PTPRN2: variants seen among roughly 807,000 people sequenced by gnomAD.
PTPRN2 encodes the protein protein tyrosine phosphatase receptor type N2.
A neutral mutation model predicts 118.8 loss-of-function variants in PTPRN2; 74 were observed. The observed-to-expected ratio is 0.62, with a 90% CI of 0.52 to 0.76. The LOEUF (loss-of-function observed/expected upper bound fraction) is 0.76. Ranked by LOEUF, PTPRN2 falls within the 30% of genes least tolerant of loss-of-function variation. The pLI, the probability that PTPRN2 is intolerant of heterozygous loss-of-function variation, is 0.00. For synonymous variants in PTPRN2, 641 were observed against 608.0 expected (o/e 1.05, Z -0.80); for missense variants, 1,481 against 1,394.4 (o/e 1.06, Z -0.99).
At chr7:158,481,362 A>G (rs1820627651) in intron 2 of PTPRN2, among the ~76,000 whole-genome samples, 1 of 152,208 alleles carries the variant, frequency 6.6e-6, no homozygotes, top group Non-Finnish European at 1.5e-5. Flanking sequence ...GTCACCCAAG[A>G]GCTGTGATGC....
rs538309220 is a variant in PTPRN2, at chr7:157,879,206, C to T, written c.1788+19467G>A. 8.7e-5 allele frequency among the ~76,000 whole-genome samples: 13 copies of T among 149,708 alleles called. No individual in the cohort carries two copies. The East Asian group carries it at 1.2e-3, about 14-fold the overall frequency. On this transcript the variant is annotated intron_variant, in intron 12 of 22. Coordinates refer to ENST00000389418, the MANE Select transcript of PTPRN2 (RefSeq NM_002847.5). ...TACTCACCGAGGAGCTCTCGGATTC[C>T]GTGGGGCTGGAAGGGTCAGTGTGAT...
Position 158,193,368 on chromosome 7 carries a change from C to T in PTPRN2, c.381-873G>A, listed in dbSNP as rs564673715. On this transcript the variant is annotated intron_variant, in intron 4 of 22. Transcript: ENST00000389418. Reference sequence around the variant, plus strand: ...AGTCCCTGAGAAAGCAGCCACTTGCCAGTGGGGCCCCCATCACCAGCTTGT... The same window carrying T: ...AGTCCCTGAGAAAGCAGCCACTTGCTAGTGGGGCCCCCATCACCAGCTTGT... Among the ~76,000 whole-genome samples, 149 of 152,312 alleles carry T rather than the reference C, an allele frequency of 9.8e-4. 1 individual carries two copies. The highest frequency in any genetic ancestry group is 3.1e-3 in the African/African-American group (128 of 41,570).
intron 11 of PTPRN2, among the ~76,000 whole-genome samples, chr7:158,006,074 T>G (rs1805613256): frequency 6.6e-6 from 1 of 152,296 alleles, no homozygotes; most frequent in East Asian, 1.9e-4. Flanking sequence ...TCACCAAGGC[T>G]TCTGCTGTGA....
intron 2 of PTPRN2, among the ~76,000 whole-genome samples, chr7:158,365,769 G>GCATA (rs1343608897): frequency 2.2e-5 from 3 of 137,804 alleles, no homozygotes; most frequent in Non-Finnish European, 4.6e-5. Flanking sequence ...GTGCACACGT[G>GCATA]CATACACACA....
chr7:157,644,438 G>A (rs894543675), intron 14 of PTPRN2, among the ~76,000 whole-genome samples: 1 of 152,228 alleles, frequency 6.6e-6, no homozygotes, highest in South Asian at 2.1e-4. Context: ...GGCCCCTGGA[G>A]GTCCACAGAC....
chr7:157,989,485 C>G (rs1382529988), intron 11 of PTPRN2, among the ~76,000 whole-genome samples: 1 of 148,414 alleles, frequency 6.7e-6, no homozygotes, highest in Non-Finnish European at 1.5e-5. Context: ...GGGGGTAAGA[C>G]TCAGAGGGCA....
intron 5 of PTPRN2, among the ~76,000 whole-genome samples, chr7:158,171,273 A>C (rs1222093039): frequency 1.3e-5 from 1 of 79,842 alleles, no homozygotes; most frequent in African/African-American, 5.4e-5. Context: ...ACACACATAT[A>C]TACACACATA....
In PTPRN2 at chr7:157,974,879, AGCCCC is replaced by A. The variant is rs1443804153; in HGVS notation, c.1724-76147_1724-76143del. On this transcript the variant is annotated intron_variant, in intron 11 of 22. Transcript: ENST00000389418. This position sits in a 1 kb window ranked among gnomAD's most constrained non-coding sequence, Gnocchi z 4.0. ...AGAAGAGGTGCCCACGTCCATCCCC[AGCCCC>A]TCAGGCATGTTCACCATCATGGCGC... Among the ~76,000 whole-genome samples the A allele has an allele frequency of 1.3e-5, 2 of 152,096 alleles. No individual in the cohort carries two copies. The highest frequency in any genetic ancestry group is 3.9e-4 in the East Asian group (2 of 5,192).
At chr7:157,613,891 C>A in intron 15 of PTPRN2, 1 of 385,762 alleles carries the variant, frequency 2.6e-6, no homozygotes, top group South Asian at 2.0e-5. Context: ...ACGAGCAGAC[C>A]TCGGCGCTGC....
At position 158,543,310 on chromosome 7, in the gene PTPRN2, G is replaced by A. The variant is rs1224165464; in HGVS notation, c.112+44248C>T. Among the ~76,000 whole-genome samples the A allele has an allele frequency of 2.6e-5, 4 of 152,162 alleles. No homozygotes were observed. The East Asian group carries it at 7.7e-4, about 29-fold the overall frequency. On this transcript the variant is annotated intron_variant, in intron 1 of 22. Coordinates refer to ENST00000389418, the MANE Select transcript of PTPRN2 (RefSeq NM_002847.5). ...CTGAAGGTGGGTGGGAAGAAGGAAG[G>A]CCCGGAGGGAAGCCGCCATCAGCTC...
At chr7:158,084,816 T>G (rs1304738439) in intron 10 of PTPRN2, among the ~76,000 whole-genome samples, 10 of 86,776 alleles carry the variant, frequency 1.2e-4, no homozygotes, top group Non-Finnish European at 1.8e-4. Flanking sequence ...GCCCATACAC[T>G]CCTACAATGC....
At chr7:158,223,224 A>G (rs1828492591) in intron 3 of PTPRN2, among the ~76,000 whole-genome samples, 1 of 152,214 alleles carries the variant, frequency 6.6e-6, no homozygotes, top group Non-Finnish European at 1.5e-5. Context: ...AGATGGTTTC[A>G]CCAAAGAATT....
At position 157,690,417 on chromosome 7, in the gene PTPRN2, A is replaced by G. The variant is rs368948942; in HGVS notation, c.1789-7480T>C. Among the ~76,000 whole-genome samples the G allele has an allele frequency of 1.7e-3, 254 of 152,056 alleles. 2 individuals carry two copies. Among genetic ancestry groups the G allele is most frequent in the African/African-American group, 5.7e-3 (235 of 41,482 alleles). On this transcript the variant is annotated intron_variant, in intron 12 of 22. Coordinates refer to ENST00000389418, the MANE Select transcript of PTPRN2 (RefSeq NM_002847.5). The surrounding 1 kb of genome is among the most constrained non-coding windows in gnomAD (Gnocchi z 7.1). ...CTTCGAAAGCTCTCTTCCTCGCCCC[A>G]CCACCTACGCGCCTGGTGATGCTCT... is the stretch of plus-strand genomic sequence containing the variant.
At chr7:158,310,282 T>C (rs1313529407) in intron 3 of PTPRN2, among the ~76,000 whole-genome samples, 1 of 152,150 alleles carries the variant, frequency 6.6e-6, no homozygotes, top group East Asian at 1.9e-4. Context: ...TAAAAGTGCT[T>C]GTGTTGAGAG....
chr7:158,519,444 C>T (rs1823820777), intron 1 of PTPRN2, among the ~76,000 whole-genome samples: 1 of 152,282 alleles, frequency 6.6e-6, no homozygotes, highest in African/African-American at 2.4e-5. Context: ...CCTCAAGCTC[C>T]TTCCCTGCCC....
At chr7:158,127,890 T>C (rs1817828913) in intron 9 of PTPRN2, among the ~76,000 whole-genome samples, 1 of 152,216 alleles carries the variant, frequency 6.6e-6, no homozygotes, top group Non-Finnish European at 1.5e-5. Flanking sequence ...TGTCCTGCCC[T>C]TCGTCCAGTC....
At chr7:158,306,306 C>T (rs1034176602) in intron 3 of PTPRN2, among the ~76,000 whole-genome samples, 4 of 152,204 alleles carry the variant, frequency 2.6e-5, no homozygotes, top group African/African-American at 9.7e-5. Context: ...GGCCACAACA[C>T]ATGGAGGGCT....
chr7:158,031,404 A>C (rs1215032022), intron 11 of PTPRN2, among the ~76,000 whole-genome samples: 2 of 152,232 alleles, frequency 1.3e-5, no homozygotes, highest in African/African-American at 4.8e-5. Context: ...GCAACAAATA[A>C]TAAAGCCACA....
At chr7:157,821,145 G>T (rs1213163111) in intron 12 of PTPRN2, among the ~76,000 whole-genome samples, 3 of 152,260 alleles carry the variant, frequency 2.0e-5, no homozygotes, top group Non-Finnish European at 4.4e-5. Context: ...CCACTCGGGT[G>T]TACTTTGCTG....
Sources: allele counts gnomAD v4.1 joint callset (sites outside exome capture counted in the v4.1 genomes callset), GRCh38; gene constraint gnomAD v4.1.1; non-coding constraint Gnocchi (gnomAD v3.1); transcripts MANE v1.5; gene names NCBI Gene and HGNC (gene_info 2026-07-23, HGNC 2026-07-21).